The following RPSA2 variants were observed in gnomAD, a reference collection of about 807,000 sequenced individuals.
The protein encoded by RPSA2 is ribosomal protein SA 2.
the RPSA2 span, among the ~76,000 whole-genome samples, chr19:23,765,240 T>C: frequency 6.6e-6 from 1 of 152,356 alleles, no homozygotes; most frequent in East Asian, 1.9e-4. Flanking sequence ...GGGAACTCCC[T>C]GAAGACCTCA....
chr19:23,780,147 A>G, the RPSA2 span, among the ~76,000 whole-genome samples: 4 of 152,164 alleles, frequency 2.6e-5, no homozygotes, highest in South Asian at 4.1e-4. Flanking sequence ...TCCTCTCTGT[A>G]TGAAGGTTAT....
the RPSA2 span, among the ~76,000 whole-genome samples, chr19:23,786,457 C>A: frequency 6.6e-6 from 1 of 152,060 alleles, no homozygotes; most frequent in Non-Finnish European, 1.5e-5. Context: ...TTTGGGGACC[C>A]AACAAATTTT....
At chr19:23,832,636 A>G in the RPSA2 span, 1 of 1,448,088 alleles carries the variant, frequency 6.9e-7, no homozygotes, top group Non-Finnish European at 9.2e-7. Context: ...GAGACCCTAC[A>G]AATGTGAAGA....
the RPSA2 span, chr19:23,808,917 G>T: frequency 3.1e-6 from 1 of 325,806 alleles, no homozygotes; most frequent in South Asian, 3.9e-5. Flanking sequence ...AAAGGAAATA[G>T]TTTCTGGAAA....
chr19:23,824,776 C>T, the RPSA2 span, among the ~76,000 whole-genome samples: 3 of 150,374 alleles, frequency 2.0e-5, no homozygotes, highest in Non-Finnish European at 3.0e-5. Context: ...TCTTTATTTT[C>T]ATCTTCTTTT....
the RPSA2 span, among the ~76,000 whole-genome samples, chr19:23,762,635 C>T: frequency 7.0e-3 from 1,044 of 148,492 alleles, 14 homozygotes; most frequent in African/African-American, 0.025. Context: ...AAGATCGCAC[C>T]ACTGCACTTG....
At chr19:23,784,991 T>C in the RPSA2 span, among the ~76,000 whole-genome samples, 1 of 152,250 alleles carries the variant, frequency 6.6e-6, no homozygotes, top group Non-Finnish European at 1.5e-5. Context: ...GTATGGAATT[T>C]CTAATCTCAT....
chr19:23,813,726 G>GTTTTT, the RPSA2 span, among the ~76,000 whole-genome samples: 3 of 14,328 alleles, frequency 2.1e-4, no homozygotes, highest in Non-Finnish European at 5.3e-4. Context: ...ATCAACACGG[G>GTTTTT]TTTCTTTTTT....
At chr19:23,783,066 A>C in the RPSA2 span, among the ~76,000 whole-genome samples, 148,559 of 151,870 alleles carry the variant, frequency 0.98, 72,752 homozygotes, top group Middle Eastern at 1. Flanking sequence ...CCTGCCTGAG[A>C]TCTGCATGCA....
chr19:23,821,258 G>C, the RPSA2 span, among the ~76,000 whole-genome samples: 3 of 152,192 alleles, frequency 2.0e-5, no homozygotes, highest in Non-Finnish European at 2.9e-5. Context: ...CTAATGCTTT[G>C]AAGCATGGGG....
the RPSA2 span, among the ~76,000 whole-genome samples, chr19:23,824,628 T>TAA: frequency 7.5e-6 from 1 of 132,506 alleles, no homozygotes; most frequent in Non-Finnish European, 1.6e-5. Context: ...CTTAAACTCT[T>TAA]AGTCTCTAGT....
At chr19:23,787,228 G>C in the RPSA2 span, among the ~76,000 whole-genome samples, 1 of 151,986 alleles carries the variant, frequency 6.6e-6, no homozygotes, top group African/African-American at 2.4e-5. Flanking sequence ...TGCACACTTG[G>C]GCCATTGTGA....
the RPSA2 span, chr19:23,827,628 A>C: frequency 6.3e-7 from 1 of 1,593,700 alleles, no homozygotes. Flanking sequence ...CCTCTGCGCT[A>C]TGTGGACATT....
chr19:23,806,036 C>CTCCT, the RPSA2 span, among the ~76,000 whole-genome samples: 1 of 96,384 alleles, frequency 1.0e-5, no homozygotes. Context: ...TCTATCTATC[C>CTCCT]TTCTTTCTTT....
chr19:23,845,775 A>G, the RPSA2 span, among the ~76,000 whole-genome samples: 1 of 152,212 alleles, frequency 6.6e-6, no homozygotes, highest in Non-Finnish European at 1.5e-5. Flanking sequence ...TACAGGTGTG[A>G]GCCACCACCT....
the RPSA2 span, among the ~76,000 whole-genome samples, chr19:23,775,784 T>G: frequency 6.6e-6 from 1 of 152,208 alleles, no homozygotes; most frequent in Admixed American, 6.5e-5. Context: ...AGGGATTGAG[T>G]CTGTCATTCA....
At chr19:23,814,686 T>C in the RPSA2 span, among the ~76,000 whole-genome samples, 1 of 152,192 alleles carries the variant, frequency 6.6e-6, no homozygotes, top group African/African-American at 2.4e-5. Flanking sequence ...TGAAAAACTA[T>C]TATTTTTTGA....
the RPSA2 span, among the ~76,000 whole-genome samples, chr19:23,836,712 G>C: frequency 2.8e-3 from 426 of 152,230 alleles, 2 homozygotes; most frequent in African/African-American, 1.0e-2. Flanking sequence ...GGCCATTCCT[G>C]CAGGAATAGA....
chr19:23,866,638 G>A, the RPSA2 span, among the ~76,000 whole-genome samples: 2 of 151,640 alleles, frequency 1.3e-5, no homozygotes, highest in African/African-American at 4.8e-5. Context: ...AAATGAGAAG[G>A]AGGCCTGGAC....
Sources: gnomAD v4.1 joint callset for allele counts (sites outside exome capture counted in the v4.1 genomes callset) on GRCh38, gnomAD v4.1.1 for gene constraint, MANE v1.5 for transcripts, NCBI Gene and HGNC (gene_info 2026-07-23, HGNC 2026-07-21) for gene names.